Variants in SETX observed in about 807,000 individuals in gnomAD.
The protein encoded by SETX is senataxin, also known as helicase senataxin.
In SETX, 90 loss-of-function variants were observed where a neutral mutation model predicts 227.2. That is an observed-to-expected ratio of 0.40 (90% CI 0.33 to 0.47). The LOEUF is 0.47. SETX is among the 20% of genes least tolerant of loss of function. The probability of loss-of-function intolerance (pLI) is 0.91; values close to 1 mark genes in which losing one functional copy is unlikely to be tolerated. For synonymous variants in SETX, 1,210 were observed against 1,113.2 expected (o/e 1.09, Z -1.73); for missense variants, 3,052 against 3,181.5 (o/e 0.96, Z 0.98).
intron 13 of SETX, among the ~76,000 whole-genome samples, 192 bp from the exon 14 acceptor site, chr9:132,297,246 A>C (rs915687708): frequency 2.0e-5 from 3 of 152,206 alleles, no homozygotes; most frequent in Non-Finnish European, 4.4e-5. Context: ...AAGAAAGCTA[A>C]TTACTTACTA....
intron 15 of SETX, 59 bp downstream of exon 15, chr9:132,295,813 G>A (rs1438698931): frequency 6.7e-7 from 1 of 1,501,896 alleles, no homozygotes; most frequent in South Asian, 1.2e-5. Flanking sequence ...GTCATTCAAA[G>A]TTGCCTACAC....
intron 15 of SETX, among the ~76,000 whole-genome samples, chr9:132,290,220 AC>A (rs1244205606): frequency 1.3e-5 from 2 of 151,512 alleles, no homozygotes; most frequent in African/African-American, 4.9e-5. Context: ...AAAAAAACAA[AC>A]AAAAAAACAC....
At chr9:132,304,368 G>C (rs572166138) in intron 11 of SETX, among the ~76,000 whole-genome samples, 1 of 152,108 alleles carries the variant, frequency 6.6e-6, no homozygotes, top group Non-Finnish European at 1.5e-5. Flanking sequence ...TTAGGGTCCT[G>C]CAAGACCCTC....
At chr9:132,298,010 T>C (rs749721728) in intron 13 of SETX, 70 bp downstream of exon 13, 5 of 1,285,770 alleles carry the variant, frequency 3.9e-6, no homozygotes, top group Admixed American at 1.7e-5. Context: ...TAGGAATACA[T>C]AGCAGCTAAA....
intron 22 of SETX, 77 bp from the exon 23 acceptor site, chr9:132,275,497 G>C: frequency 1.5e-6 from 2 of 1,305,330 alleles, no homozygotes; most frequent in Non-Finnish European, 2.1e-6. Context: ...GTTCCACTGA[G>C]TTTGTTTCCC....
chr9:132,326,468 A>G lies in SETX; in HGVS notation c.5130T>C (p.Tyr1710=), dbSNP rs768582274. 23 of 1,614,134 alleles carry G rather than the reference A, an allele frequency of 1.4e-5. No individual in the cohort carries two copies. Among genetic ancestry groups the G allele is most frequent in the Middle Eastern group, 1.6e-4 (1 of 6,084 alleles). Residue 1710 remains tyrosine (Y), a synonymous_variant, in exon 10 of 26, where the codon TAT becomes TAC. Coordinates refer to ENST00000224140, the MANE Select transcript of SETX (RefSeq NM_015046.7). The part of the protein sequence containing the change: ...TFVKEVLKWK[Y]EMFLNFGQCG... ...ACTGACCAAAGTTCAAAAACATTTCATATTTCCATTTTAAGACCTCTTTAA... is the reference window on the plus strand; with the variant it reads ...ACTGACCAAAGTTCAAAAACATTTCGTATTTCCATTTTAAGACCTCTTTAA...
intron 11 of SETX, among the ~76,000 whole-genome samples, chr9:132,305,812 T>C (rs1845301734): frequency 6.6e-6 from 1 of 152,116 alleles, no homozygotes; most frequent in African/African-American, 2.4e-5. Context: ...TGATTCTAGA[T>C]TGGACCCTGG....
intron 9 of SETX, among the ~76,000 whole-genome samples, 161 bp from the exon 10 acceptor site, chr9:132,330,660 C>A (rs990220394): frequency 6.6e-6 from 1 of 152,142 alleles, no homozygotes; most frequent in Non-Finnish European, 1.5e-5. Flanking sequence ...ATAATTATAT[C>A]ACAATCGTAA....
At position 132,326,733 on chromosome 9, in the gene SETX, G is replaced by A. The variant is rs140781535; in HGVS notation, c.4865C>T (p.Pro1622Leu). 35 of 1,614,002 alleles carry A rather than the reference G, an allele frequency of 2.2e-5. No individual in the cohort carries two copies. The highest frequency in any genetic ancestry group is 1.7e-4 in the Admixed American group (10 of 59,996). ...KSLETSSALS[P>L]SLKNKSKGIQ... Reference sequence around the variant, plus strand: ...CCCCTTTGACTTATTTTTTAGAGACGGTGAAAGTGCTGAAGAAGTTTCCAA... The same window carrying A: ...CCCCTTTGACTTATTTTTTAGAGACAGTGAAAGTGCTGAAGAAGTTTCCAA... Residue 1622 changes from proline to leucine, a missense_variant, in exon 10 of 26, where the codon CCG becomes CTG. Transcript: ENST00000224140.
At chr9:132,281,388 A>G (rs1351962543) in intron 20 of SETX, 79 bp downstream of exon 20, 1 of 943,046 alleles carries the variant, frequency 1.1e-6, no homozygotes, top group African/African-American at 1.6e-5. Flanking sequence ...CAATCCAAGA[A>G]AGATGTCTCT....
rs1846974435 is a variant in SETX at position 132,328,261 on chromosome 9, G to A, written c.3337C>T (p.Pro1113Ser). The A allele has an allele frequency of 1.9e-6, 3 of 1,613,894 alleles. No homozygotes were observed. Among genetic ancestry groups the A allele is most frequent in the Admixed American group, 1.7e-5 (1 of 59,988 alleles). Residue 1113 changes from proline (P) to serine (S), a missense_variant, in exon 10 of 26, where the codon CCT (proline) becomes TCT (serine). This residue lies in a region of SETX where 1,483 missense variants were observed against 1,312.0 expected (regional missense o/e 1.13). Coordinates refer to ENST00000224140, the MANE Select transcript of SETX (RefSeq NM_015046.7). ...VQDGEKKCLAPIANTTNGQGC... is the reference protein window; with the variant it reads ...VQDGEKKCLASIANTTNGQGC... ...TGACCATTTGTAGTATTGGCTATAG[G>A]AGCCAAACATTTTTTCTCACCATCT... is the stretch of plus-strand genomic sequence containing the variant.
In SETX at chr9:132,264,850, G is replaced by C. The variant is rs1313901012; in HGVS notation, c.7423C>G (p.His2475Asp). The C allele has an allele frequency of 1.9e-6, 3 of 1,614,174 alleles. No homozygotes were observed. The East Asian group carries it at 6.7e-5, about 36-fold the overall frequency. ...CCCTCTGGGGCTATGGTAGGAGGGT[G>C]AGTGAGACTTCTCTGCAGCACAGGC... ...LKPVLQRSLT[H>D]PPTIAPEGSR... The change falls in exon 26 of 26, where the codon CAC (histidine) becomes GAC (aspartate). Residue 2475 changes from histidine to aspartate, a missense_variant. His to Asp is a moderately conservative substitution (Grantham distance 81). Around this residue, in one of 10 missense-constraint regions of SETX, gnomAD observed 294 missense variants for 278.8 expected, o/e 1.05. Transcript: ENST00000224140.
chr9:132,302,377 A>AAAG (rs1845048509), intron 11 of SETX, among the ~76,000 whole-genome samples: 1 of 139,100 alleles, frequency 7.2e-6, no homozygotes, highest in African/African-American at 2.7e-5. Context: ...AAAAAAAAAA[A>AAAG]GGCCAGGTGT....
rs1848060275 is a variant in SETX at position 132,342,819 on chromosome 9, T to G, written c.389-20A>C. 4.6e-6 allele frequency: 7 copies of G among 1,513,162 alleles called. No individual in the cohort carries two copies. In the East Asian group the frequency reaches 1.6e-4, roughly 34 times the overall value. The allele number at this position is 1,513,162 out of a possible 1,614,324, so 93.7% of individuals were successfully genotyped here. A position where few individuals can be genotyped will look rare whatever the true frequency, so the allele number is the denominator to read the frequency against. On this transcript the variant is annotated intron_variant, in intron 4 of 25. Coordinates refer to ENST00000224140, the MANE Select transcript of SETX (RefSeq NM_015046.7). Reference sequence around the variant, plus strand: ...ACTCGTCTAAAAAGAAAAAAATAAGTAAAATACATAAATCTTATCACCTTA... The same window carrying G: ...ACTCGTCTAAAAAGAAAAAAATAAGGAAAATACATAAATCTTATCACCTTA...
chr9:132,306,043 CA>C (rs1157361390), intron 11 of SETX, among the ~76,000 whole-genome samples: 5 of 152,240 alleles, frequency 3.3e-5, no homozygotes, highest in Middle Eastern at 3.4e-3. Flanking sequence ...TCAATTCCTC[CA>C]AAGCAAATCC....
intron 19 of SETX, among the ~76,000 whole-genome samples, chr9:132,281,982 A>G (rs1375215120): frequency 1.4e-5 from 2 of 145,996 alleles, no homozygotes; most frequent in Non-Finnish European, 3.0e-5. Flanking sequence ...AGATCACATC[A>G]CTGCACTCCG....
At chr9:132,323,597 G>A (rs1299137789) in intron 10 of SETX, among the ~76,000 whole-genome samples, 1 of 152,068 alleles carries the variant, frequency 6.6e-6, no homozygotes, top group Non-Finnish European at 1.5e-5. Context: ...ATATGGACAT[G>A]TTATTCAGAA....
intron 10 of SETX, among the ~76,000 whole-genome samples, chr9:132,319,875 G>T (rs569135786): frequency 6.6e-6 from 1 of 152,264 alleles, no homozygotes; most frequent in East Asian, 1.9e-4. Context: ...TAGTGTCTAA[G>T]GGTACTCCTT....
chr9:132,292,351 C>T (rs1340523066), intron 15 of SETX, among the ~76,000 whole-genome samples: 1 of 149,366 alleles, frequency 6.7e-6, no homozygotes, highest in African/African-American at 2.5e-5. Context: ...ATCACTTGAG[C>T]CCAGGAGGGC....
Sources: gnomAD v4.1 joint callset for allele counts (sites outside exome capture counted in the v4.1 genomes callset) on GRCh38, gnomAD v4.1.1 for gene constraint, gnomAD v4.1.1 regional missense constraint, MANE v1.5 for transcripts, NCBI Gene and HGNC (gene_info 2026-07-23, HGNC 2026-07-21) for gene names.